Variants in LMBR1 observed in about 807,000 individuals in gnomAD.
LMBR1 encodes the protein limb development membrane protein 1.
A neutral mutation model predicts 73.9 loss-of-function variants in LMBR1; 52 were observed. That is an observed-to-expected ratio of 0.70 (90% confidence interval 0.56 to 0.89). The LOEUF is 0.89. Among genes scored for constraint, LMBR1 ranks in the 40% least tolerant of loss-of-function variants. The probability of loss-of-function intolerance (pLI) is 0.00; values close to 1 mark genes in which losing one functional copy is unlikely to be tolerated. For missense variants in LMBR1, 539 were observed against 579.8 expected, an observed-to-expected ratio of 0.93 and a Z score of 0.72; for synonymous variants, 215 against 209.4, an observed-to-expected ratio of 1.03 and a Z score of -0.23.
At position 156,765,356 on chromosome 7, in the gene LMBR1, A is replaced by G. The variant is rs542305698; in HGVS notation, c.424-1561T>C. 1.1e-3 allele frequency among the ~76,000 whole-genome samples: 172 copies of G among 152,226 alleles called. 2 individuals carry two copies. Among genetic ancestry groups the G allele is most frequent in the African/African-American group, 4.1e-3 (171 of 41,530 alleles). The stretch of plus-strand genomic sequence containing the variant: ...TCTGATGGTTTTATAAGCGTCTGGC[A>G]TGTCCCCCGCTGGCACTCATTCTCT... On this transcript the variant is annotated intron_variant, in intron 5 of 16. Coordinates refer to ENST00000353442, the MANE Select transcript of LMBR1 (RefSeq NM_022458.4).
chr7:156,802,675 T>G (rs1191815734), intron 4 of LMBR1, among the ~76,000 whole-genome samples: 3 of 152,176 alleles, frequency 2.0e-5, no homozygotes, highest in Non-Finnish European at 4.4e-5. Context: ...GTCATGAGAA[T>G]GCACCAATGA....
intron 9 of LMBR1, among the ~76,000 whole-genome samples, chr7:156,741,626 C>T (rs1297888564): frequency 6.6e-6 from 1 of 151,932 alleles, no homozygotes. Context: ...GATATATGCA[C>T]CAATGGAGCA....
At chr7:156,775,857 T>C (rs1826033058) in intron 5 of LMBR1, among the ~76,000 whole-genome samples, 1 of 151,850 alleles carries the variant, frequency 6.6e-6, no homozygotes, top group African/African-American at 2.4e-5. Context: ...TTATGAGACA[T>C]ACTAGGCTGG....
At chr7:156,692,327 TGG>T (rs1320437564) in intron 15 of LMBR1, among the ~76,000 whole-genome samples, 3 of 152,308 alleles carry the variant, frequency 2.0e-5, no homozygotes, top group Non-Finnish European at 4.4e-5. Context: ...TCCGCCCTCC[TGG>T]ACCTCCCAAA....
intron 1 of LMBR1, among the ~76,000 whole-genome samples, chr7:156,872,561 C>T (rs1041530688): frequency 2.0e-5 from 3 of 151,754 alleles, no homozygotes; most frequent in South Asian, 2.1e-4. Context: ...GCAGAAGAAT[C>T]GCTTGAACCA....
chr7:156,781,202 A>G (rs1340198688), intron 5 of LMBR1, among the ~76,000 whole-genome samples: 1 of 152,236 alleles, frequency 6.6e-6, no homozygotes, highest in Non-Finnish European at 1.5e-5. Flanking sequence ...GTTTTAAAAT[A>G]TAATAAAAAG....
In LMBR1 at chr7:156,709,896, ATTTTTTTTT is replaced by A. The variant is rs34487923; in HGVS notation, c.1225+14207_1225+14215del. ...GCCAGTTAAAGAATTCAGAAGGTTG[ATTTTTTTTT>A]TTTTTTTTTTTTTTTTTGAGATGGA... On this transcript the variant is annotated intron_variant, in intron 15 of 16. Transcript: ENST00000353442. 1.7e-4 allele frequency among the ~76,000 whole-genome samples: 15 copies of A among 90,352 alleles called. No homozygotes were observed. The East Asian group carries it at 2.7e-3, about 16-fold the overall frequency. 59.3% of individuals were successfully genotyped at this position (90,352 alleles called of 152,430 possible). A position where few individuals can be genotyped will look rare whatever the true frequency, so the allele number is the denominator to read the frequency against.
At chr7:156,839,526 ACT>A (rs1838271101) in intron 1 of LMBR1, among the ~76,000 whole-genome samples, 1 of 152,002 alleles carries the variant, frequency 6.6e-6, no homozygotes, top group Non-Finnish European at 1.5e-5. Flanking sequence ...AAAATTGAAG[ACT>A]CTCAAATGAA....
chr7:156,844,873 A>T (rs1001805841), intron 1 of LMBR1, among the ~76,000 whole-genome samples: 2 of 152,232 alleles, frequency 1.3e-5, no homozygotes, highest in African/African-American at 4.8e-5. Flanking sequence ...TGACACAGTC[A>T]TAAGTAACTG....
chr7:156,779,599 C>CT (rs1826757240), intron 5 of LMBR1: 12 of 911,264 alleles, frequency 1.3e-5, no homozygotes, highest in Non-Finnish European at 1.8e-5. Context: ...AATTTTTGTG[C>CT]TGGTCAATTA....
intron 3 of LMBR1, among the ~76,000 whole-genome samples, chr7:156,827,700 GA>G (rs1835935739): frequency 6.6e-6 from 1 of 151,598 alleles, no homozygotes; most frequent in Non-Finnish European, 1.5e-5. Flanking sequence ...ATAAATATAA[GA>G]AAATATTTTT....
At chr7:156,730,505 A>G (rs1391702466) in intron 10 of LMBR1, among the ~76,000 whole-genome samples, 1 of 152,226 alleles carries the variant, frequency 6.6e-6, no homozygotes, top group Non-Finnish European at 1.5e-5. Context: ...TCTCAAGCCT[A>G]ATGGATTAGA....
intron 5 of LMBR1, among the ~76,000 whole-genome samples, chr7:156,769,779 C>G (rs1388421802): frequency 6.6e-6 from 1 of 152,198 alleles, no homozygotes; most frequent in Non-Finnish European, 1.5e-5. Context: ...AGCTAAAGAA[C>G]AGTGAGCGTG....
chr7:156,887,787 T>C (rs764453892), intron 1 of LMBR1, among the ~76,000 whole-genome samples: 3 of 152,240 alleles, frequency 2.0e-5, no homozygotes, highest in Non-Finnish European at 2.9e-5. Flanking sequence ...GGGGTTAATA[T>C]TCAGAATATA....
intron 5 of LMBR1, among the ~76,000 whole-genome samples, chr7:156,788,776 A>G (rs67779103): frequency 0.43 from 66,030 of 152,068 alleles, 14,561 homozygotes; most frequent in East Asian, 0.6. Flanking sequence ...GGCTGGGCAC[A>G]ATGGCTCACG....
intron 4 of LMBR1, among the ~76,000 whole-genome samples, chr7:156,815,659 A>T (rs1476734868): frequency 6.6e-6 from 1 of 152,170 alleles, no homozygotes; most frequent in Non-Finnish European, 1.5e-5. Context: ...CTCACTCATT[A>T]GCCACGTGGC....
chr7:156,888,238 G>A (rs1205310063), intron 1 of LMBR1, among the ~76,000 whole-genome samples: 3 of 151,544 alleles, frequency 2.0e-5, no homozygotes, highest in East Asian at 1.9e-4. Flanking sequence ...GTGAAACCCC[G>A]TCTCTACTAA....
chr7:156,731,856 A>G (rs574597200), intron 10 of LMBR1, among the ~76,000 whole-genome samples: 5 of 151,760 alleles, frequency 3.3e-5, no homozygotes, highest in Middle Eastern at 3.4e-3. Context: ...TGAGAAAACT[A>G]TTTGGCTTTA....
At chr7:156,814,593 C>T (rs1482547456) in intron 4 of LMBR1, among the ~76,000 whole-genome samples, 1 of 152,184 alleles carries the variant, frequency 6.6e-6, no homozygotes, top group Non-Finnish European at 1.5e-5. Flanking sequence ...CTAACAAAAT[C>T]AAGGTATTCA....
Sources: gnomAD v4.1 joint callset for allele counts (sites outside exome capture counted in the v4.1 genomes callset) on GRCh38, gnomAD v4.1.1 for gene constraint, MANE v1.5 for transcripts, NCBI Gene and HGNC (gene_info 2026-07-23, HGNC 2026-07-21) for gene names.